The following TBCD variants were observed in gnomAD, a reference collection of about 807,000 sequenced individuals.
TBCD encodes the protein tubulin folding cofactor D, also known as tubulin-specific chaperone D.
In TBCD, 105 loss-of-function variants were observed where a neutral mutation model predicts 169.3. That is an observed-to-expected ratio of 0.62 (90% CI 0.53 to 0.73). The LOEUF (loss-of-function observed/expected upper bound fraction) is 0.73, where lower values mean the gene tolerates loss of function less well. Ranked by LOEUF, TBCD falls within the 30% of genes least tolerant of loss-of-function variation. The probability of loss-of-function intolerance (pLI) is 0.00; values close to 1 mark genes in which losing one functional copy is unlikely to be tolerated. For synonymous variants in TBCD, 700 were observed against 643.9 expected (o/e 1.09, Z -1.32); for missense variants, 1,444 against 1,600.1 (o/e 0.90, Z 1.66).
In TBCD at chr17:82,922,451, T is replaced by G. The variant is rs1228893077; in HGVS notation, c.2178+874T>G. Among the ~76,000 whole-genome samples, 1 of 152,210 alleles carries G rather than the reference T, an allele frequency of 6.6e-6. No individual in the cohort carries two copies. Among genetic ancestry groups the G allele is most frequent in the Non-Finnish European group, 1.5e-5 (1 of 68,030 alleles). ...TTGAGGATGAAGAATGGAAGTACAT[T>G]TAGGTGTCTTGTAATTCTCTGACTT... On this transcript the variant is annotated intron_variant, in intron 25 of 38. Transcript: ENST00000355528. The surrounding 1 kb of genome is among the most constrained non-coding windows in gnomAD (Gnocchi z 4.1).
intron 5 of TBCD, 26 bp downstream of exon 5, chr17:82,768,592 G>T: frequency 1.2e-6 from 2 of 1,610,528 alleles, no homozygotes; most frequent in Non-Finnish European, 1.7e-6. Context: ...ATAATTAGCT[G>T]CTAATTAGTA....
chr17:82,857,747 T>TG (rs566992210), intron 13 of TBCD, among the ~76,000 whole-genome samples: 268 of 23,572 alleles, frequency 0.011, no homozygotes, highest in African/African-American at 0.034. Flanking sequence ...TGTCTCATGG[T>TG]TTTTTTTTTT....
Position 82,887,164 on chromosome 17 carries a change from T to TGC in TBCD, c.1534-2503_1534-2502insCG, listed in dbSNP as rs1555632294. On this transcript the variant is annotated intron_variant, in intron 15 of 38. Coordinates refer to ENST00000355528, the MANE Select transcript of TBCD (RefSeq NM_005993.5). ...GTGTGTGTGTGTGTGTGTGTGTGTGTGTGTGCGCGCGCGCGCACGTGCGCT... is the reference window on the plus strand; with the variant it reads ...GTGTGTGTGTGTGTGTGTGTGTGTGTGCGTGTGCGCGCGCGCGCACGTGCGCT... Among the ~76,000 whole-genome samples the TGC allele has an allele frequency of 2.7e-4, 28 of 104,546 alleles. No individual in the cohort carries two copies. In the South Asian group the frequency reaches 5.1e-3, roughly 19 times the overall value. 68.6% of individuals were successfully genotyped at this position (104,546 alleles called of 152,430 possible).
chr17:82,818,892 C>A (rs557351370), intron 13 of TBCD, among the ~76,000 whole-genome samples: 2 of 152,260 alleles, frequency 1.3e-5, no homozygotes, highest in Admixed American at 1.3e-4. Context: ...CATGGTGAAA[C>A]CCCGTCTCTG....
chr17:82,942,309 G>A, intron 38 of TBCD, 140 bp from the exon 39 acceptor site: 7 of 1,223,494 alleles, frequency 5.7e-6, no homozygotes, highest in Non-Finnish European at 7.0e-6. Context: ...AGGCTGCCGG[G>A]TGTGTGGGAA....
Position 82,803,593 on chromosome 17 carries a change from G to A in TBCD, c.951-2282G>A, listed in dbSNP as rs150369411. Reference sequence around the variant, plus strand: ...TCCTGGGCTGTTTCCTTGGTACGGTGTAGAAAGTACCCCTGCGGGGAGGAG... The same window carrying A: ...TCCTGGGCTGTTTCCTTGGTACGGTATAGAAAGTACCCCTGCGGGGAGGAG... On this transcript the variant is annotated intron_variant, in intron 9 of 38. Transcript: ENST00000355528. 2.3e-3 allele frequency among the ~76,000 whole-genome samples: 356 copies of A among 152,336 alleles called. 2 individuals carry two copies. Among genetic ancestry groups the A allele is most frequent in the South Asian group, 0.012 (57 of 4,830 alleles).
At chr17:82,848,100 C>T (rs1050969786) in intron 13 of TBCD, among the ~76,000 whole-genome samples, 4 of 152,136 alleles carry the variant, frequency 2.6e-5, no homozygotes, top group African/African-American at 9.7e-5. Flanking sequence ...GGATGGTGCT[C>T]TGTGGCAGGG....
chr17:82,846,182 G>C (rs1196482971), intron 13 of TBCD, among the ~76,000 whole-genome samples: 1 of 152,196 alleles, frequency 6.6e-6, no homozygotes, highest in Non-Finnish European at 1.5e-5. Context: ...TGTAAGCCCT[G>C]TGCCTCCCTC....
At chr17:82,752,730 C>G (rs1234779270) in intron 1 of TBCD, among the ~76,000 whole-genome samples, 1 of 152,210 alleles carries the variant, frequency 6.6e-6, no homozygotes, top group Non-Finnish European at 1.5e-5. Context: ...TGGGGAGACT[C>G]GGGCCAGACC....
At chr17:82,935,023 C>T (rs958677370) in intron 34 of TBCD, among the ~76,000 whole-genome samples, 1 of 152,028 alleles carries the variant, frequency 6.6e-6, no homozygotes, top group Non-Finnish European at 1.5e-5. Flanking sequence ...GAGATTGAGC[C>T]ACTGTGCTCC....
chr17:82,852,235 CCTGTGGTCCT>C (rs1567891881), intron 13 of TBCD, among the ~76,000 whole-genome samples: 1 of 151,340 alleles, frequency 6.6e-6, no homozygotes, highest in African/African-American at 2.4e-5. Context: ...AACCGTGCCC[CCTGTGGTCCT>C]CTGTGGTGGC....
At chr17:82,759,493 A>G (rs958776446) in intron 2 of TBCD, among the ~76,000 whole-genome samples, 1 of 152,144 alleles carries the variant, frequency 6.6e-6, no homozygotes, top group Non-Finnish European at 1.5e-5. Context: ...CAAAAAAAAA[A>G]AAATTTTGTT....
At chr17:82,849,961 C>CTGTTGCCTGTGCTGT (rs1555614822) in intron 13 of TBCD, among the ~76,000 whole-genome samples, 3 of 107,274 alleles carry the variant, frequency 2.8e-5, no homozygotes, top group Admixed American at 9.7e-5. Flanking sequence ...GCCTGTGCTG[C>CTGTTGCCTGTGCTGT]TGTTGGCTGT....
rs376589158 is a variant in TBCD, at chr17:82,835,991, C to T, written c.1318+21057C>T. Among the ~76,000 whole-genome samples, 23 of 152,200 alleles carry T rather than the reference C, an allele frequency of 1.5e-4. No homozygotes were observed. Among genetic ancestry groups the T allele is most frequent in the African/African-American group, 2.2e-4 (9 of 41,448 alleles). ...GGGCTCAGACCCCGCGCTCAGCACC[C>T]GTCTCCCACCGTGGGCTGCCACAGA... On this transcript the variant is annotated intron_variant, in intron 13 of 38. Coordinates refer to ENST00000355528, the MANE Select transcript of TBCD (RefSeq NM_005993.5). The surrounding 1 kb of genome is among the most constrained non-coding windows in gnomAD (Gnocchi z 4.5).
intron 13 of TBCD, among the ~76,000 whole-genome samples, chr17:82,847,904 A>C (rs1567882412): frequency 6.6e-6 from 1 of 152,230 alleles, no homozygotes; most frequent in East Asian, 1.9e-4. Flanking sequence ...TACTGGGATT[A>C]CAGGCGTGAG....
intron 6 of TBCD, among the ~76,000 whole-genome samples, chr17:82,775,411 T>G (rs139515032): frequency 2.0e-5 from 3 of 152,288 alleles, no homozygotes; most frequent in East Asian, 3.9e-4. Flanking sequence ...GAGTTTCCTG[T>G]ACTTCTCAGA....
chr17:82,830,719 T>G, intron 13 of TBCD: 1 of 1,614,064 alleles, frequency 6.2e-7, no homozygotes, highest in Non-Finnish European at 8.5e-7. Context: ...GCTGCCTTGG[T>G]ACGTGGGTTC....
intron 13 of TBCD, among the ~76,000 whole-genome samples, chr17:82,844,776 T>G (rs1035505460): frequency 6.6e-6 from 1 of 152,228 alleles, no homozygotes; most frequent in Non-Finnish European, 1.5e-5. Flanking sequence ...TTCTTGCGAT[T>G]AGGTTTTTGA....
intron 9 of TBCD, among the ~76,000 whole-genome samples, chr17:82,805,387 C>G (rs1342043675): frequency 6.6e-6 from 1 of 152,200 alleles, no homozygotes; most frequent in Non-Finnish European, 1.5e-5. Flanking sequence ...GTGAAGAGGG[C>G]TACACGTTGC....
Sources: gnomAD v4.1 joint callset for allele counts (sites outside exome capture counted in the v4.1 genomes callset) on GRCh38, gnomAD v4.1.1 for gene constraint, Gnocchi (gnomAD v3.1) non-coding constraint, MANE v1.5 for transcripts, NCBI Gene and HGNC (gene_info 2026-07-23, HGNC 2026-07-21) for gene names.